Variants in SLC38A9 observed in about 807,000 individuals in gnomAD.
SLC38A9 encodes the protein neutral amino acid transporter 9.
A neutral mutation model predicts 62.3 loss-of-function variants in SLC38A9; 48 were observed. That is an observed-to-expected ratio of 0.77 (90% CI 0.61 to 0.98). The LOEUF (loss-of-function observed/expected upper bound fraction) is 0.98. SLC38A9 is among the 50% of genes least tolerant of loss of function. The pLI, the probability that SLC38A9 is intolerant of heterozygous loss-of-function variation, is 0.00. For missense variants in SLC38A9, 541 were observed against 679.8 expected (o/e 0.80, Z 2.27); for synonymous variants, 204 against 227.7 (o/e 0.90, Z 0.94).
intron 3 of SLC38A9, among the ~76,000 whole-genome samples, chr5:55,678,137 G>GGTTTT (rs1561396357): frequency 2.2e-5 from 2 of 88,910 alleles, no homozygotes; most frequent in Non-Finnish European, 5.5e-5. Flanking sequence ...CAAGGTTACT[G>GGTTTT]GTTTTTTTTT....
At position 55,655,752 on chromosome 5, in the gene SLC38A9, G is replaced by A. The variant is rs116538494; in HGVS notation, c.757+963C>T. ...GTGTTTAATGAATCATCCTCTTAGTGATCAATGTGCATCTCCATCAACATG... is the reference window on the plus strand; with the variant it reads ...GTGTTTAATGAATCATCCTCTTAGTAATCAATGTGCATCTCCATCAACATG... On this transcript the variant is annotated intron_variant, in intron 9 of 15. Transcript: ENST00000396865. Among the ~76,000 whole-genome samples, 1,107 of 152,188 alleles carry A rather than the reference G, an allele frequency of 7.3e-3. 15 individuals carry two copies. Among genetic ancestry groups the A allele is most frequent in the African/African-American group, 0.026 (1,070 of 41,520 alleles).
chr5:55,691,105 T>C, intron 3 of SLC38A9: 1 of 698,870 alleles, frequency 1.4e-6, no homozygotes, highest in African/African-American at 1.7e-5. Flanking sequence ...GAATGCTGCC[T>C]GTACCCCACT....
Position 55,697,849 on chromosome 5 carries a change from T to C in SLC38A9, c.110A>G (p.Lys37Arg), listed in dbSNP as rs762566959. Residue 37 changes from lysine to arginine, a missense_variant, in exon 3 of 16, where the codon AAA becomes AGA. By Grantham distance (26) the Lys-to-Arg change is conservative. Transcript: ENST00000396865. ...GTGTTTTATTTTAAATGCTTACCTT[T>C]TGGATCTTAGATCCGATGGCTCAAA... The part of the protein sequence containing the change: ...IQFEPSDLRS[K>R]RPFCIEPTNI... 124 of 1,551,880 alleles carry C rather than the reference T, an allele frequency of 8.0e-5. No individual in the cohort carries two copies. The highest frequency in any genetic ancestry group is 9.9e-5 in the Non-Finnish European group (113 of 1,140,128).
intron 4 of SLC38A9, among the ~76,000 whole-genome samples, chr5:55,670,617 T>C (rs1448058650): frequency 1.3e-5 from 2 of 152,252 alleles, no homozygotes; most frequent in Non-Finnish European, 2.9e-5. Flanking sequence ...TTTGACTTCC[T>C]AGACTCATCT....
chr5:55,705,299 A>T (rs1757141199), intron 2 of SLC38A9, among the ~76,000 whole-genome samples: 1 of 152,136 alleles, frequency 6.6e-6, no homozygotes, highest in Non-Finnish European at 1.5e-5. Context: ...TGAGAGAAAA[A>T]CACAAGTTAA....
intron 12 of SLC38A9, among the ~76,000 whole-genome samples, chr5:55,639,272 T>TAAAAAAAAAAAA (rs753043231): frequency 1.8e-5 from 1 of 54,648 alleles, no homozygotes; most frequent in Non-Finnish European, 3.7e-5. Flanking sequence ...AAACTCTGTC[T>TAAAAAAAAAAAA]AAAAAAAAAA....
At chr5:55,699,318 G>A (rs139751527) in intron 2 of SLC38A9, among the ~76,000 whole-genome samples, 188 of 152,230 alleles carry the variant, frequency 1.2e-3, no homozygotes, top group African/African-American at 4.4e-3. Flanking sequence ...GAGCTTTTTT[G>A]TTACCATAAA....
At chr5:55,628,406 C>T (rs974521757) in intron 14 of SLC38A9, among the ~76,000 whole-genome samples, 2 of 152,216 alleles carry the variant, frequency 1.3e-5, no homozygotes, top group African/African-American at 4.8e-5. Context: ...ATCACCATTA[C>T]CTTGTCAGGT....
At position 55,637,360 on chromosome 5, in the gene SLC38A9, T is replaced by A. The variant is rs376818533; in HGVS notation, c.1168-1703A>T. On this transcript the variant is annotated intron_variant, in intron 12 of 15. Coordinates refer to ENST00000396865, the MANE Select transcript of SLC38A9 (RefSeq NM_173514.4). Reference sequence around the variant, plus strand: ...ACTTTTCCCTTCCGCTTCTCTGTTCTCACGGCACTATATACTTATCTCAAA... The same window carrying A: ...ACTTTTCCCTTCCGCTTCTCTGTTCACACGGCACTATATACTTATCTCAAA... Among the ~76,000 whole-genome samples the A allele has an allele frequency of 3.7e-4, 56 of 152,370 alleles. No individual in the cohort carries two copies. In the South Asian group the frequency reaches 0.011, roughly 31 times the overall value.
chr5:55,691,773 C>A (rs1009039600), intron 3 of SLC38A9, among the ~76,000 whole-genome samples: 12 of 152,148 alleles, frequency 7.9e-5, no homozygotes, highest in Non-Finnish European at 1.3e-4. Flanking sequence ...ATTCCACCCC[C>A]AAATCAGGGG....
intron 9 of SLC38A9, among the ~76,000 whole-genome samples, chr5:55,654,035 G>GTA (rs1747987245): frequency 6.6e-6 from 1 of 151,922 alleles, no homozygotes. Flanking sequence ...CATTCTCATT[G>GTA]TTTCTAATGT....
chr5:55,642,272 C>T (rs1008318166), intron 12 of SLC38A9, among the ~76,000 whole-genome samples: 1 of 152,234 alleles, frequency 6.6e-6, no homozygotes, highest in Non-Finnish European at 1.5e-5. Context: ...GTCTCAATCT[C>T]CTGACCTTGT....
intron 2 of SLC38A9, chr5:55,703,922 G>A (rs1472763344): frequency 6.6e-6 from 1 of 152,174 alleles, no homozygotes; most frequent in Non-Finnish European, 1.5e-5. Context: ...GGCTAAGGCA[G>A]GAGGACCCTT....
At chr5:55,649,957 T>C (rs1203947834) in intron 10 of SLC38A9, among the ~76,000 whole-genome samples, 9 of 152,176 alleles carry the variant, frequency 5.9e-5, no homozygotes, top group Non-Finnish European at 1.3e-4. Flanking sequence ...TACAAAATTA[T>C]AGGATTACAT....
At chr5:55,632,900 TA>T (rs567118437) in intron 14 of SLC38A9, among the ~76,000 whole-genome samples, 168 of 152,298 alleles carry the variant, frequency 1.1e-3, no homozygotes, top group African/African-American at 3.9e-3. Flanking sequence ...GCTGTTCACA[TA>T]AACATAACCA....
chr5:55,637,836 C>T (rs1248941253), intron 12 of SLC38A9, among the ~76,000 whole-genome samples: 1 of 152,170 alleles, frequency 6.6e-6, no homozygotes, highest in Non-Finnish European at 1.5e-5. Flanking sequence ...GGTTACAAAA[C>T]TCGTTTGTGG....
intron 2 of SLC38A9, among the ~76,000 whole-genome samples, chr5:55,700,935 G>A (rs779044082): frequency 1.1e-4 from 16 of 152,034 alleles, no homozygotes; most frequent in South Asian, 4.1e-4. Flanking sequence ...GAGTTCCAAG[G>A]TTCAGTCTTG....
At chr5:55,709,986 T>A (rs1196866387) in intron 2 of SLC38A9, among the ~76,000 whole-genome samples, 1 of 147,988 alleles carries the variant, frequency 6.8e-6, no homozygotes, top group Non-Finnish European at 1.5e-5. Flanking sequence ...GGGGAATCGC[T>A]TGAACCCGGG....
chr5:55,697,915 T>G lies in SLC38A9; in HGVS notation c.44A>C (p.Glu15Ala). ...TCCAGGATCTCTTTCATGATCTACC[T>G]CAGAGGTGCCAAGATGCCTAGAATC... ...NSDSRHLGTS[E>A]VDHERDPGPM... The change falls in exon 3 of 16, where the codon GAG becomes GCG. Residue 15 changes from glutamate (E) to alanine (A), a missense_variant. By Grantham distance (107) the Glu-to-Ala change is moderately radical. Coordinates refer to ENST00000396865, the MANE Select transcript of SLC38A9 (RefSeq NM_173514.4). The G allele has an allele frequency of 6.2e-7, 1 of 1,604,684 alleles. No individual in the cohort carries two copies. The highest frequency in any genetic ancestry group is 1.1e-5 in the South Asian group (1 of 88,348).
Sources: gnomAD v4.1 joint callset for allele counts (sites outside exome capture counted in the v4.1 genomes callset) on GRCh38, gnomAD v4.1.1 for gene constraint, MANE v1.5 for transcripts, NCBI Gene and HGNC (gene_info 2026-07-23, HGNC 2026-07-21) for gene names.